The following PCDHGB7 variants were observed in gnomAD, a reference collection of about 807,000 sequenced individuals.
PCDHGB7 encodes protocadherin gamma subfamily B, 7.
In PCDHGB7, 37 loss-of-function variants were observed where a neutral mutation model predicts 61.4. The observed-to-expected ratio is 0.60, with a 90% CI of 0.46 to 0.79. PCDHGB7 has a LOEUF of 0.79. Ranked by LOEUF, PCDHGB7 falls within the 30% of genes least tolerant of loss-of-function variation. PCDHGB7 has a pLI of 0.00. For missense variants in PCDHGB7, 1,166 were observed against 1,202.5 expected (o/e 0.97, Z 0.45); for synonymous variants, 464 against 503.5 (o/e 0.92, Z 1.05).
intron 1 of PCDHGB7, among the ~76,000 whole-genome samples, chr5:141,460,304 A>T (rs769422296): frequency 2.6e-5 from 4 of 152,144 alleles, no homozygotes; most frequent in Admixed American, 6.5e-5. Flanking sequence ...TCCTATTCAA[A>T]AACTCCTTGC....
At chr5:141,492,161 TC>T (rs1269738341) in intron 1 of PCDHGB7, among the ~76,000 whole-genome samples, 2 of 152,142 alleles carry the variant, frequency 1.3e-5, no homozygotes, top group Admixed American at 6.5e-5. Context: ...ACCCTCCCTA[TC>T]CCCGCATCAC....
Position 141,485,598 on chromosome 5 carries a change from T to C in PCDHGB7, c.2416-9209T>C, listed in dbSNP as rs931717579. 25 of 1,612,028 alleles carry C rather than the reference T, an allele frequency of 1.6e-5. No individual in the cohort carries two copies. Among genetic ancestry groups the C allele is most frequent in the African/African-American group, 2.7e-5 (2 of 74,838 alleles). ...CCGCGGCAGCAGCTGGACTTGGAAA[T>C]TGGGGAGGCAGCTCCTCCAGGACAG... On this transcript the variant is annotated intron_variant, in intron 1 of 3. Transcript: ENST00000398594. This position sits in a 1 kb window ranked among gnomAD's most constrained non-coding sequence, Gnocchi z 5.7.
intron 1 of PCDHGB7, chr5:141,421,835 G>T: frequency 6.2e-7 from 1 of 1,613,746 alleles, no homozygotes. Flanking sequence ...AGCCTGGACC[G>T]AGAGAAAGAG....
chr5:141,503,136 A>G (rs1352550702), intron 2 of PCDHGB7, among the ~76,000 whole-genome samples: 5 of 151,846 alleles, frequency 3.3e-5, no homozygotes, highest in Admixed American at 2.0e-4. Context: ...GTAGCCCCTG[A>G]CACAGCCCAT....
chr5:141,486,760 G>C lies in PCDHGB7; in HGVS notation c.2416-8047G>C. ...GATCCTTTGACTATGAGCAAACCCAGACACTGCAGTTTGAGGTGCAGGCCC... is the reference window on the plus strand; with the variant it reads ...GATCCTTTGACTATGAGCAAACCCACACACTGCAGTTTGAGGTGCAGGCCC... On this transcript the variant is annotated intron_variant, in intron 1 of 3. Transcript: ENST00000398594. This position sits in a 1 kb window ranked among gnomAD's most constrained non-coding sequence, Gnocchi z 5.0. 1.2e-6 allele frequency: 2 copies of C among 1,614,240 alleles called. No homozygotes were observed. The highest frequency in any genetic ancestry group is 2.2e-5 in the South Asian group (2 of 91,086).
chr5:141,491,409 G>C lies in PCDHGB7; in HGVS notation c.2416-3398G>C, dbSNP rs2099711927. 6.2e-7 allele frequency: 1 copy of C among 1,614,000 alleles called. No homozygotes were observed. Among genetic ancestry groups the C allele is most frequent in the Non-Finnish European group, 8.5e-7 (1 of 1,180,022 alleles). The stretch of plus-strand genomic sequence containing the variant: ...AGTGCCTTCAGGGAAACGCAGACGG[G>C]GACGGGGGTGGAGGGCAGTGCTGCA... On this transcript the variant is annotated intron_variant, in intron 1 of 3. Coordinates refer to ENST00000398594, the MANE Select transcript of PCDHGB7 (RefSeq NM_018927.4). This position sits in a 1 kb window ranked among gnomAD's most constrained non-coding sequence, Gnocchi z 6.9.
rs1591094034 is a variant in PCDHGB7 at position 141,431,659 on chromosome 5, A to T, written c.2415+11385A>T. 3.7e-6 allele frequency: 6 copies of T among 1,614,246 alleles called. No individual in the cohort carries two copies. The highest frequency in any genetic ancestry group is 3.4e-6 in the Non-Finnish European group (4 of 1,180,036). On this transcript the variant is annotated intron_variant, in intron 1 of 3. Coordinates refer to ENST00000398594, the MANE Select transcript of PCDHGB7 (RefSeq NM_018927.4). This position sits in a 1 kb window ranked among gnomAD's most constrained non-coding sequence, Gnocchi z 4.8. ...TCAAACTAGATTGTAATTCAGGGAC[A>T]ATATCAACAATAGGGGAGTTGGACC...
chr5:141,430,480 A>G (rs2097288752), intron 1 of PCDHGB7: 1 of 256,116 alleles, frequency 3.9e-6, no homozygotes, highest in Admixed American at 5.4e-5. Context: ...TTAAGATATA[A>G]AAACGAAATA....
chr5:141,449,075 T>C (rs1452456191), intron 1 of PCDHGB7, among the ~76,000 whole-genome samples: 3 of 152,240 alleles, frequency 2.0e-5, no homozygotes, highest in African/African-American at 7.2e-5. Context: ...AATAGCCCTG[T>C]ACCTACATCA....
chr5:141,423,760 G>GT, intron 1 of PCDHGB7: 1 of 279,664 alleles, frequency 3.6e-6, no homozygotes, highest in Non-Finnish European at 5.3e-6. Flanking sequence ...TGGGGGGGGG[G>GT]TGGGGCGGCA....
intron 1 of PCDHGB7, chr5:141,423,723 T>C: frequency 8.5e-7 from 1 of 1,174,478 alleles, no homozygotes; most frequent in Non-Finnish European, 1.1e-6. Context: ...TAAGGAGATG[T>C]TTTTTGAGCC....
chr5:141,452,449 T>G (rs1482580788), intron 1 of PCDHGB7, among the ~76,000 whole-genome samples: 1 of 152,224 alleles, frequency 6.6e-6, no homozygotes, highest in South Asian at 2.1e-4. Flanking sequence ...TTCTAGGCCT[T>G]GTCAGCAGAC....
chr5:141,428,043 A>G, intron 1 of PCDHGB7: 1 of 1,608,722 alleles, frequency 6.2e-7, no homozygotes, highest in Non-Finnish European at 8.5e-7. Flanking sequence ...CTACCTGGTG[A>G]CCAAGGTGGT....
intron 1 of PCDHGB7, among the ~76,000 whole-genome samples, chr5:141,481,593 G>A (rs575017133): frequency 1.3e-5 from 2 of 152,172 alleles, no homozygotes; most frequent in African/African-American, 2.4e-5. Context: ...TGAGGCCAGC[G>A]GATCACCTGA....
chr5:141,500,574 G>A (rs2099801457), intron 2 of PCDHGB7, among the ~76,000 whole-genome samples: 1 of 152,164 alleles, frequency 6.6e-6, no homozygotes, highest in African/African-American at 2.4e-5. Context: ...ACACTTTCAT[G>A]TGACACTTTA....
chr5:141,462,872 AG>A (rs1254807813), intron 1 of PCDHGB7, among the ~76,000 whole-genome samples: 54 of 152,272 alleles, frequency 3.5e-4, no homozygotes, highest in Middle Eastern at 6.8e-3. Flanking sequence ...TCTTTCTTTA[AG>A]AACTATTGCA....
intron 1 of PCDHGB7, among the ~76,000 whole-genome samples, chr5:141,470,591 G>A (rs1271473509): frequency 1.3e-5 from 2 of 152,132 alleles, no homozygotes; most frequent in African/African-American, 4.8e-5. Flanking sequence ...ATAGGCAGGC[G>A]ACCTGTGCGG....
At position 141,437,148 on chromosome 5, in the gene PCDHGB7, A is replaced by T. The variant is rs1196014608; in HGVS notation, c.2415+16874A>T. ...GTTGATAATTTAGGATTCATAATTA[A>T]CATATGTGTTGATTGTTTTCTGAGA... is the stretch of plus-strand genomic sequence containing the variant. On this transcript the variant is annotated intron_variant, in intron 1 of 3. Coordinates refer to ENST00000398594, the MANE Select transcript of PCDHGB7 (RefSeq NM_018927.4). Among the ~76,000 whole-genome samples the T allele has an allele frequency of 2.0e-5, 3 of 152,214 alleles. No individual in the cohort carries two copies. In the East Asian group the frequency reaches 5.8e-4, roughly 29 times the overall value.
chr5:141,428,190 T>C (rs1348507135), intron 1 of PCDHGB7: 2 of 1,429,918 alleles, frequency 1.4e-6, no homozygotes, highest in Non-Finnish European at 1.9e-6. Flanking sequence ...CAGCCGCCGC[T>C]CTCTGCGCCG....
Sources: allele counts gnomAD v4.1 joint callset (sites outside exome capture counted in the v4.1 genomes callset), GRCh38; gene constraint gnomAD v4.1.1; non-coding constraint Gnocchi (gnomAD v3.1); transcripts MANE v1.5; gene names NCBI Gene and HGNC (gene_info 2026-07-23, HGNC 2026-07-21).